Variants in PID1 observed in about 807,000 individuals in gnomAD.
PID1 encodes the protein phosphotyrosine interaction domain containing 1, also known as PTB-containing, cubilin and LRP1-interacting protein.
A neutral mutation model predicts 19.1 loss-of-function variants in PID1; 10 were observed. The ratio of observed to expected loss-of-function variants is 0.52; its 90% CI spans 0.32 to 0.89. The LOEUF (loss-of-function observed/expected upper bound fraction) is 0.89. Among genes scored for constraint, PID1 ranks in the 40% least tolerant of loss-of-function variants. The pLI, the probability that PID1 is intolerant of heterozygous loss-of-function variation, is 0.03. For synonymous variants in PID1, 130 were observed against 116.0 expected (o/e 1.12, Z -0.78); for missense variants, 248 against 285.3 (o/e 0.87, Z 0.94).
intron 2 of PID1, among the ~76,000 whole-genome samples, chr2:229,114,385 T>C (rs1695369229): frequency 6.6e-6 from 1 of 152,154 alleles, no homozygotes; most frequent in South Asian, 2.1e-4. Flanking sequence ...TGTAATGGTA[T>C]CTTAACCAGT....
At chr2:229,042,206 G>T (rs1175128246) in intron 2 of PID1, among the ~76,000 whole-genome samples, 2 of 151,930 alleles carry the variant, frequency 1.3e-5, no homozygotes, top group African/African-American at 4.8e-5. Flanking sequence ...CATACATATA[G>T]AATATAAATG....
chr2:229,257,241 T>C (rs1235204), intron 1 of PID1, among the ~76,000 whole-genome samples: 45,385 of 152,038 alleles, frequency 0.3, 7,891 homozygotes, highest in East Asian at 0.69. Flanking sequence ...AATAATGTAT[T>C]AGTATCCAAC....
At chr2:229,096,212 C>T (rs1356055703) in intron 2 of PID1, among the ~76,000 whole-genome samples, 1 of 152,136 alleles carries the variant, frequency 6.6e-6, no homozygotes, top group Admixed American at 6.5e-5. Flanking sequence ...ATATCATGTA[C>T]TTATCTCTTT....
At chr2:229,157,265 A>C (rs1235597424) in intron 1 of PID1, among the ~76,000 whole-genome samples, 1 of 152,022 alleles carries the variant, frequency 6.6e-6, no homozygotes, top group East Asian at 1.9e-4. Context: ...CCCTGTCTCT[A>C]CTAAAAATAC....
At chr2:229,098,076 G>T (rs576966705) in intron 2 of PID1, among the ~76,000 whole-genome samples, 48 of 152,288 alleles carry the variant, frequency 3.2e-4, no homozygotes, top group Non-Finnish European at 6.3e-4. Flanking sequence ...TGAATCATGA[G>T]CCTATGCCAT....
intron 2 of PID1, among the ~76,000 whole-genome samples, chr2:229,060,994 A>G (rs945504220): frequency 1.3e-5 from 2 of 152,022 alleles, no homozygotes; most frequent in South Asian, 2.1e-4. Context: ...TGAATTCTTT[A>G]TAAATTTTGG....
chr2:229,206,249 A>G (rs1365727088), intron 1 of PID1, among the ~76,000 whole-genome samples: 3 of 151,670 alleles, frequency 2.0e-5, no homozygotes, highest in South Asian at 2.1e-4. Context: ...AAACCCTAGT[A>G]TAAGTACAAA....
In PID1 at chr2:229,175,013, T is replaced by A. The variant is rs144071454; in HGVS notation, c.31-19049A>T. Among the ~76,000 whole-genome samples the A allele has an allele frequency of 1.8e-4, 27 of 152,192 alleles. 1 individual carries two copies. The East Asian group carries it at 5.2e-3, about 29-fold the overall frequency. On this transcript the variant is annotated intron_variant, in intron 1 of 2. Transcript: ENST00000392055. ...AAACATCCCCAAGGAGAGGTGTATATGGAGAGAAAACAGGGCAGCCCAGTT... is the reference window on the plus strand; with the variant it reads ...AAACATCCCCAAGGAGAGGTGTATAAGGAGAGAAAACAGGGCAGCCCAGTT...
intron 2 of PID1, among the ~76,000 whole-genome samples, chr2:229,114,228 G>C (rs1438411425): frequency 6.7e-6 from 1 of 148,684 alleles, no homozygotes; most frequent in Non-Finnish European, 1.5e-5. Flanking sequence ...CATCCAGTCG[G>C]TTCTGTTTCT....
chr2:229,229,614 C>T (rs1440910013), intron 1 of PID1, among the ~76,000 whole-genome samples: 3 of 152,264 alleles, frequency 2.0e-5, no homozygotes, highest in South Asian at 4.1e-4. Context: ...CCAGCCTGAA[C>T]AACAGAATGA....
chr2:229,075,366 A>G (rs2106205862), intron 2 of PID1, among the ~76,000 whole-genome samples: 1 of 152,332 alleles, frequency 6.6e-6, no homozygotes, highest in Non-Finnish European at 1.5e-5. Flanking sequence ...AATAAAATAT[A>G]CTGGTATACA....
chr2:229,114,113 TTCTCTCTC>T (rs59302884), intron 2 of PID1, among the ~76,000 whole-genome samples: 4 of 138,874 alleles, frequency 2.9e-5, no homozygotes, highest in Non-Finnish European at 6.2e-5. Flanking sequence ...CTCTCTCTCT[TTCTCTCTC>T]TCTCTCTCTC....
At chr2:229,045,480 C>A (rs1051672201) in intron 2 of PID1, among the ~76,000 whole-genome samples, 3 of 152,344 alleles carry the variant, frequency 2.0e-5, no homozygotes, top group South Asian at 2.1e-4. Flanking sequence ...TGAACAGGAG[C>A]TGCTGGTGGC....
chr2:229,168,186 T>C (rs1375472674), intron 1 of PID1, among the ~76,000 whole-genome samples: 8 of 152,188 alleles, frequency 5.3e-5, no homozygotes, highest in South Asian at 2.1e-4. Context: ...CTTGAATCCA[T>C]AGATCTGTGG....
intron 2 of PID1, among the ~76,000 whole-genome samples, chr2:229,114,402 C>T (rs1695369349): frequency 6.6e-6 from 1 of 152,084 alleles, no homozygotes; most frequent in South Asian, 2.1e-4. Context: ...CAGTCCCCTG[C>T]CTCTAACCCT....
chr2:229,029,568 C>T (rs776116217), intron 2 of PID1, among the ~76,000 whole-genome samples: 6 of 151,878 alleles, frequency 4.0e-5, no homozygotes, highest in East Asian at 1.9e-4. Context: ...AGAGGCCGGG[C>T]GCAGTGGCTC....
At chr2:229,062,126 C>T (rs1278156028) in intron 2 of PID1, among the ~76,000 whole-genome samples, 1 of 151,786 alleles carries the variant, frequency 6.6e-6, no homozygotes, top group African/African-American at 2.4e-5. Context: ...CAATACTATG[C>T]TGAGTAAAAA....
At chr2:229,091,602 C>T (rs990672) in intron 2 of PID1, among the ~76,000 whole-genome samples, 57,848 of 151,930 alleles carry the variant, frequency 0.38, 13,771 homozygotes, top group African/African-American at 0.68. Flanking sequence ...CTTCTGTCAC[C>T]GCAAAAAGAC....
chr2:229,192,797 G>A (rs532239053), intron 1 of PID1, among the ~76,000 whole-genome samples: 2 of 152,188 alleles, frequency 1.3e-5, no homozygotes, highest in South Asian at 4.1e-4. Flanking sequence ...TTATTGCATT[G>A]AGGTTTATTC....
Sources: allele counts gnomAD v4.1 joint callset (sites outside exome capture counted in the v4.1 genomes callset), GRCh38; gene constraint gnomAD v4.1.1; transcripts MANE v1.5; gene names NCBI Gene and HGNC (gene_info 2026-07-23, HGNC 2026-07-21).